Variants in OOSP3 observed in about 807,000 individuals in gnomAD.
OOSP3 encodes oocyte secreted protein family member 3.
chr11:59,884,152 G>T lies in OOSP3; in HGVS notation c.252+3713G>T, dbSNP rs187793983. On this transcript the variant is annotated intron_variant, in intron 2 of 4. Coordinates refer to ENST00000646438, the Ensembl canonical transcript of OOSP3. ...TTAATTCCTGGTTATATGTGCAAAA[G>T]AATTAATAACAGTTATTTAAACAAA... Among the ~76,000 whole-genome samples, 920 of 152,282 alleles carry T rather than the reference G, an allele frequency of 6.0e-3. 6 individuals are homozygous for T. The highest frequency in any genetic ancestry group is 9.4e-3 in the Non-Finnish European group (640 of 68,024).
At chr11:59,896,086 G>T (rs964605978) in intron 4 of OOSP3, 47 bp from the exon 5 acceptor site, 16 of 397,962 alleles carry the variant, frequency 4.0e-5, no homozygotes, top group African/African-American at 3.1e-4. Context: ...TTATCAAGGG[G>T]TTACATTGGA....
At chr11:59,880,136 T>C (rs1457217517) in intron 1 of OOSP3, 125 bp from the exon 2 acceptor site, 1 of 395,676 alleles carries the variant, frequency 2.5e-6, no homozygotes, top group Non-Finnish European at 4.4e-6. Flanking sequence ...TCATATTGTA[T>C]CTCTCAAGGC....
rs1368160680 is a variant in OOSP3 at position 59,878,989 on chromosome 11, C to A, written c.73+108C>A. On this transcript the variant is annotated intron_variant, in intron 1 of 4. Coordinates refer to ENST00000646438, the Ensembl canonical transcript of OOSP3. Reference sequence around the variant, plus strand: ...GGAAGTGACTTTCCAGTATAGTTTTCTGACTTCTGTAGTGGTATTGCTTTC... The same window carrying A: ...GGAAGTGACTTTCCAGTATAGTTTTATGACTTCTGTAGTGGTATTGCTTTC... 3 of 396,888 alleles carry A rather than the reference C, an allele frequency of 7.6e-6. No individual in the cohort carries two copies. In the East Asian group the frequency reaches 1.1e-4, roughly 14 times the overall value. 24.6% of individuals were successfully genotyped at this position (396,888 alleles called of 1,614,324 possible).
intron 2 of OOSP3, among the ~76,000 whole-genome samples, chr11:59,881,145 G>A (rs1590871966): frequency 6.6e-6 from 1 of 152,040 alleles, no homozygotes; most frequent in East Asian, 1.9e-4. Context: ...CACGTCATGA[G>A]GTCAGGAGAT....
chr11:59,893,741 G>A (rs1853332167), intron 2 of OOSP3, among the ~76,000 whole-genome samples: 1 of 151,976 alleles, frequency 6.6e-6, no homozygotes, highest in Non-Finnish European at 1.5e-5. Context: ...CAGACATCTG[G>A]GATACAGCAC....
At chr11:59,882,327 C>A (rs2134525179) in intron 2 of OOSP3, among the ~76,000 whole-genome samples, 1 of 151,800 alleles carries the variant, frequency 6.6e-6, no homozygotes, top group Non-Finnish European at 1.5e-5. Flanking sequence ...CTTATAAGAC[C>A]CCTTCGAAAT....
chr11:59,894,133 A>G (rs1258627871), exon 3 of OOSP3: 1 of 398,618 alleles, frequency 2.5e-6, no homozygotes, highest in Non-Finnish European at 4.4e-6. Context: ...TATAATGCAC[A>G]AAGGAGTCAC....
In OOSP3 at chr11:59,885,198, T is replaced by C. The variant is rs116487719; in HGVS notation, c.252+4759T>C. Among the ~76,000 whole-genome samples the C allele has an allele frequency of 3.4e-3, 517 of 152,338 alleles. 5 individuals are homozygous for C. The highest frequency in any genetic ancestry group is 0.012 in the African/African-American group (480 of 41,582). ...GATTTTTGTATGTGGAGCCAACATA[T>C]CCTTTTCCTGGGATAAATCCCATTT... On this transcript the variant is annotated intron_variant, in intron 2 of 4. Transcript: ENST00000646438.
At chr11:59,894,373 C>A (rs949298331) in intron 3 of OOSP3, among the ~76,000 whole-genome samples, 197 bp downstream of exon 3, 2 of 152,174 alleles carry the variant, frequency 1.3e-5, no homozygotes, top group Non-Finnish European at 2.9e-5. Flanking sequence ...CTGGGACCCC[C>A]CCTTAATATT....
intron 2 of OOSP3, among the ~76,000 whole-genome samples, chr11:59,891,167 G>A (rs1853308646): frequency 6.6e-6 from 1 of 152,152 alleles, no homozygotes; most frequent in African/African-American, 2.4e-5. Flanking sequence ...CTAGTTAACA[G>A]CTCTTGTAAT....
chr11:59,893,790 CTTG>C (rs1445985762), intron 2 of OOSP3, among the ~76,000 whole-genome samples: 1 of 152,162 alleles, frequency 6.6e-6, no homozygotes, highest in Admixed American at 6.5e-5. Context: ...GAAAAAAAAA[CTTG>C]TTAAGTAGAA....
intron 2 of OOSP3, among the ~76,000 whole-genome samples, chr11:59,890,141 C>T (rs1313265118): frequency 6.6e-6 from 1 of 152,138 alleles, no homozygotes; most frequent in East Asian, 1.9e-4. Context: ...AAATTTTCCT[C>T]CATCCCTTTA....
At chr11:59,890,515 T>G (rs1194332041) in intron 2 of OOSP3, among the ~76,000 whole-genome samples, 1 of 152,232 alleles carries the variant, frequency 6.6e-6, no homozygotes, top group Non-Finnish European at 1.5e-5. Context: ...GAAAAGGATT[T>G]TATTTTTCCT....
At chr11:59,890,954 C>G (rs923205705) in intron 2 of OOSP3, among the ~76,000 whole-genome samples, 2 of 152,136 alleles carry the variant, frequency 1.3e-5, no homozygotes, top group Non-Finnish European at 2.9e-5. Flanking sequence ...CCATAGTTCT[C>G]AGAAGTTTTG....
intron 2 of OOSP3, among the ~76,000 whole-genome samples, chr11:59,881,298 G>T (rs111333481): frequency 0.013 from 2,005 of 151,946 alleles, 49 homozygotes; most frequent in African/African-American, 0.045. Context: ...CCGAGAGGTG[G>T]AGGTTGCAGT....
At chr11:59,883,256 GGT>G (rs1853220363) in intron 2 of OOSP3, among the ~76,000 whole-genome samples, 2 of 152,024 alleles carry the variant, frequency 1.3e-5, no homozygotes, top group African/African-American at 4.8e-5. Context: ...TCTATTGTTT[GGT>G]TTCTTTCTTT....
chr11:59,885,421 G>C (rs1853245741), intron 2 of OOSP3, among the ~76,000 whole-genome samples: 1 of 151,662 alleles, frequency 6.6e-6, no homozygotes, highest in South Asian at 2.1e-4. Flanking sequence ...TTGCTACACA[G>C]ATCATCCCAT....
chr11:59,895,373 A>C, intron 3 of OOSP3, 129 bp from the exon 4 acceptor site: 1 of 382,284 alleles, frequency 2.6e-6, no homozygotes, highest in Non-Finnish European at 4.6e-6. Flanking sequence ...GAGAGGTAGC[A>C]GTGTTAGTAA....
At chr11:59,881,988 A>G (rs1380373542) in intron 2 of OOSP3, among the ~76,000 whole-genome samples, 2 of 152,256 alleles carry the variant, frequency 1.3e-5, no homozygotes, top group Non-Finnish European at 2.9e-5. Context: ...ATTTCCTTCA[A>G]TATGCTGTTT....
Sources: gnomAD v4.1 joint callset for allele counts (sites outside exome capture counted in the v4.1 genomes callset) on GRCh38, gnomAD v4.1.1 for gene constraint, MANE v1.5 for transcripts, NCBI Gene and HGNC (gene_info 2026-07-23, HGNC 2026-07-21) for gene names.